The following DDC variants were observed in gnomAD, a reference collection of about 807,000 sequenced individuals.
The protein encoded by DDC is aromatic-L-amino-acid decarboxylase.
In DDC, 43 loss-of-function variants were observed where a neutral mutation model predicts 60.0. That is an observed-to-expected ratio of 0.72 (90% CI 0.56 to 0.92). DDC has a LOEUF of 0.92. DDC is among the 40% of genes least tolerant of loss of function. The pLI, the probability that DDC is intolerant of heterozygous loss-of-function variation, is 0.00. For synonymous variants in DDC, 232 were observed against 234.6 expected, an observed-to-expected ratio of 0.99 and a Z score of 0.10; for missense variants, 573 against 620.2, an observed-to-expected ratio of 0.92 and a Z score of 0.81.
At chr7:50,493,846 G>A (rs7790758) in intron 9 of DDC, among the ~76,000 whole-genome samples, 117,077 of 151,832 alleles carry the variant, frequency 0.77, 45,366 homozygotes, top group Admixed American at 0.84. Flanking sequence ...GGTCAAACGG[G>A]TATTTTGGTA....
In DDC at chr7:50,460,651, A is replaced by C. The variant is rs1021542857; in HGVS notation, c.*19-1808T>G. On this transcript the variant is annotated intron_variant, in intron 14 of 14. Coordinates refer to ENST00000444124, the MANE Select transcript of DDC (RefSeq NM_001082971.2). Reference sequence around the variant, plus strand: ...AGGATTGAGAAATCGGATGGTTGCCATGTCTGTGTAGAAAGAGGTAGACAC... The same window carrying C: ...AGGATTGAGAAATCGGATGGTTGCCCTGTCTGTGTAGAAAGAGGTAGACAC... Among the ~76,000 whole-genome samples, 172 of 151,740 alleles carry C rather than the reference A, an allele frequency of 1.1e-3. 3 individuals carry two copies. The highest frequency in any genetic ancestry group is 5.4e-4 in the Non-Finnish European group (37 of 68,024).
At chr7:50,504,144 G>T in intron 6 of DDC, 85 bp from the exon 7 acceptor site, 1 of 932,138 alleles carries the variant, frequency 1.1e-6, no homozygotes, top group Non-Finnish European at 1.8e-6. Flanking sequence ...CTGCCCCATG[G>T]TCCAACCTGG....
intron 11 of DDC, among the ~76,000 whole-genome samples, chr7:50,472,789 G>A (rs531532385): frequency 2.0e-5 from 3 of 152,218 alleles, no homozygotes; most frequent in East Asian, 3.9e-4. Flanking sequence ...CTCTGTCCTC[G>A]TGCCCTCATC....
intron 9 of DDC, among the ~76,000 whole-genome samples, chr7:50,489,612 C>G (rs1425964937): frequency 1.3e-5 from 2 of 152,142 alleles, no homozygotes; most frequent in Admixed American, 6.5e-5. Flanking sequence ...AAACTGTGTT[C>G]AAGAGACACA....
Position 50,475,038 on chromosome 7 carries a change from T to A in DDC, c.1041+1586A>T, listed in dbSNP as rs11763837. The stretch of plus-strand genomic sequence containing the variant: ...ATAATTATACCATATAACATGGGAT[T>A]CTGTGTAGATTTTCTGTACTTACTA... On this transcript the variant is annotated intron_variant, in intron 11 of 14. Transcript: ENST00000444124. Among the ~76,000 whole-genome samples the A allele has an allele frequency of 7.4e-3, 1,124 of 152,260 alleles. 9 individuals carry two copies. Among genetic ancestry groups the A allele is most frequent in the Non-Finnish European group, 0.012 (835 of 68,002 alleles).
At chr7:50,474,993 A>T (rs1455526481) in intron 11 of DDC, among the ~76,000 whole-genome samples, 3 of 152,352 alleles carry the variant, frequency 2.0e-5, no homozygotes, top group Admixed American at 2.0e-4. Flanking sequence ...TTCCCAGGGA[A>T]GTAGTTAAAT....
chr7:50,551,997 C>T (rs187477833), intron 1 of DDC, among the ~76,000 whole-genome samples: 2 of 152,176 alleles, frequency 1.3e-5, no homozygotes, highest in East Asian at 1.9e-4. Context: ...CTTTAAGTCA[C>T]AGCACCAGGC....
At chr7:50,499,389 C>T in intron 7 of DDC, 147 bp from the exon 8 acceptor site, 2 of 697,272 alleles carry the variant, frequency 2.9e-6, no homozygotes, top group South Asian at 1.5e-5. Context: ...AAAAGGCCCC[C>T]TCATTCAAAG....
intron 9 of DDC, among the ~76,000 whole-genome samples, chr7:50,493,769 A>T (rs565998314): frequency 6.7e-4 from 102 of 152,314 alleles, no homozygotes; most frequent in African/African-American, 2.4e-3. Flanking sequence ...CTGACAAAAA[A>T]TAATTTGATT....
chr7:50,488,995 CTTTG>C (rs1023752953), intron 9 of DDC, among the ~76,000 whole-genome samples: 1 of 149,994 alleles, frequency 6.7e-6, no homozygotes, highest in Admixed American at 6.6e-5. Context: ...GAATGGTTTT[CTTTG>C]TTTGCTTGTT....
At chr7:50,505,514 C>A (rs147340685) in intron 6 of DDC, among the ~76,000 whole-genome samples, 117 of 152,356 alleles carry the variant, frequency 7.7e-4, no homozygotes, top group African/African-American at 2.7e-3. Context: ...GTGAGAACCC[C>A]AGTTCGAGAC....
intron 4 of DDC, among the ~76,000 whole-genome samples, chr7:50,534,118 G>A (rs2044309885): frequency 6.6e-6 from 1 of 152,100 alleles, no homozygotes; most frequent in Non-Finnish European, 1.5e-5. Flanking sequence ...GATGTTCCGA[G>A]GTCAGTTCCT....
chr7:50,499,274 G>A (rs770644606), intron 7 of DDC, 32 bp from the exon 8 acceptor site: 81 of 1,498,504 alleles, frequency 5.4e-5, no homozygotes, highest in Non-Finnish European at 7.0e-5. Context: ...TGAGTCCCCA[G>A]ATGGATGCCT....
At chr7:50,551,229 CTT>C (rs58446864) in intron 1 of DDC, among the ~76,000 whole-genome samples, 4,832 of 132,930 alleles carry the variant, frequency 0.036, 76 homozygotes, top group Admixed American at 0.065. Flanking sequence ...TTCCGTTGTA[CTT>C]TTTTTTTTTT....
In DDC at chr7:50,470,068, G is replaced by A. The variant is rs2042495183; in HGVS notation, c.1140+5C>T. 1 of 1,578,150 alleles carries A rather than the reference G, an allele frequency of 6.3e-7. No homozygotes were observed. The highest frequency in any genetic ancestry group is 8.7e-7 in the Non-Finnish European group (1 of 1,147,544). On this transcript the variant is annotated splice_donor_5th_base_variant and intron_variant, in intron 12 of 14. Transcript: ENST00000444124. ...TACCGTGATAAATAATAAAAACAAA[G>A]TCACCTTGCGGATATAAGCCTGCAG... is the stretch of plus-strand genomic sequence containing the variant.
Position 50,554,940 on chromosome 7 carries a change from G to T in DDC, c.-29+10345C>A, listed in dbSNP as rs1200685102. On this transcript the variant is annotated intron_variant, in intron 1 of 14. Transcript: ENST00000444124. Reference sequence around the variant, plus strand: ...GGGAGAAGGGTGGACTCTGGATCCAGAGAACTCGGCTTGCGTCTTATCTCC... The same window carrying T: ...GGGAGAAGGGTGGACTCTGGATCCATAGAACTCGGCTTGCGTCTTATCTCC... Among the ~76,000 whole-genome samples, 3 of 152,184 alleles carry T rather than the reference G, an allele frequency of 2.0e-5. No individual in the cohort carries two copies. In the East Asian group the frequency reaches 5.8e-4, roughly 29 times the overall value.
At chr7:50,472,482 A>G (rs926125377) in intron 11 of DDC, among the ~76,000 whole-genome samples, 2 of 152,148 alleles carry the variant, frequency 1.3e-5, no homozygotes, top group African/African-American at 4.8e-5. Flanking sequence ...TTGATAAGCC[A>G]TCAACATCTT....
At chr7:50,505,161 T>C (rs2153540811) in intron 6 of DDC, among the ~76,000 whole-genome samples, 1 of 152,306 alleles carries the variant, frequency 6.6e-6, no homozygotes, top group Non-Finnish European at 1.5e-5. Flanking sequence ...CACATGTCTG[T>C]CTCTCCCTCC....
At chr7:50,560,050 C>G (rs896527961) in intron 1 of DDC, among the ~76,000 whole-genome samples, 4 of 152,148 alleles carry the variant, frequency 2.6e-5, no homozygotes, top group Non-Finnish European at 5.9e-5. Flanking sequence ...TCCAGACACC[C>G]CTTAACTTGC....
Sources: allele counts gnomAD v4.1 joint callset (sites outside exome capture counted in the v4.1 genomes callset), GRCh38; gene constraint gnomAD v4.1.1; transcripts MANE v1.5; gene names NCBI Gene and HGNC (gene_info 2026-07-23, HGNC 2026-07-21).